Variants in ACIN1 observed in about 807,000 individuals in gnomAD.
ACIN1 encodes the protein apoptotic chromatin condensation inducer 1, also known as apoptotic chromatin condensation inducer in the nucleus.
Under a neutral mutation model 146.6 loss-of-function variants are expected in ACIN1, and 16 were observed. The ratio of observed to expected loss-of-function variants is 0.11; its 90% CI spans 0.07 to 0.17. ACIN1 has a LOEUF of 0.17. Among genes scored for constraint, ACIN1 ranks in the 10% least tolerant of loss-of-function variants. ACIN1 has a pLI of 1.00. For synonymous variants in ACIN1, 569 were observed against 582.7 expected (o/e 0.98, Z 0.34); for missense variants, 1,357 against 1,609.3 (o/e 0.84, Z 2.68).
intron 8 of ACIN1, among the ~76,000 whole-genome samples, chr14:23,074,581 T>G (rs2047751706): frequency 6.6e-6 from 1 of 151,972 alleles, no homozygotes; most frequent in Admixed American, 6.6e-5. Flanking sequence ...AGAAAAAAGA[T>G]AAAGAGGAAT....
In ACIN1 at chr14:23,078,829, C is replaced by A; in HGVS notation, c.1998G>T (p.Gln666His). 6.2e-7 allele frequency: 1 copy of A among 1,612,556 alleles called. No individual in the cohort carries two copies. The highest frequency in any genetic ancestry group is 1.1e-5 in the South Asian group (1 of 90,992). ...SAEKHVTQRLQPERGSPKKCE... is the reference protein window; with the variant it reads ...SAEKHVTQRLHPERGSPKKCE... ...GGTCACAATAGCCTACCCGCTCAGG[C>A]TGTAACCTCTGGGTCACATGCTTTT... Residue 666 changes from glutamine (Q) to histidine (H), a missense_variant, in exon 7 of 19, where the codon CAG (glutamine) becomes CAT (histidine). This residue lies in a region of ACIN1 where 771 missense variants were observed against 746.6 expected (regional missense o/e 1.03). Transcript: ENST00000605057.
chr14:23,071,901 T>G (rs1041439485), intron 8 of ACIN1, among the ~76,000 whole-genome samples: 1 of 151,978 alleles, frequency 6.6e-6, no homozygotes, highest in Non-Finnish European at 1.5e-5. Context: ...TGAAAAAGGA[T>G]TAAATAAGAA....
rs2047904373 is a variant in ACIN1, at chr14:23,080,130, T to C, written c.1205A>G (p.Asp402Gly). 4.3e-6 allele frequency: 7 copies of C among 1,614,134 alleles called. No homozygotes were observed. The highest frequency in any genetic ancestry group is 5.9e-6 in the Non-Finnish European group (7 of 1,180,010). ...CTGAGATACTAATAGCTCCCTGGTG[T>C]CAGCATCTGTATTAGGAGGAGATAA... is the stretch of plus-strand genomic sequence containing the variant. ...IQLSPPNTDA[D>G]TRELLVSQHT... Residue 402 changes from aspartate to glycine, a missense_variant, in exon 6 of 19, where the codon GAC becomes GGC. Transcript: ENST00000605057.
At position 23,067,833 on chromosome 14, in the gene ACIN1, G is replaced by A. The variant is rs183317561; in HGVS notation, c.2265+1643C>T. 4.1e-6 allele frequency: 4 copies of A among 985,932 alleles called. No individual in the cohort carries two copies. Among genetic ancestry groups the A allele is most frequent in the Non-Finnish European group, 4.8e-6 (4 of 830,006 alleles). The allele number at this position is 985,932 out of a possible 1,614,324, so 61.1% of individuals were successfully genotyped here. A position where few individuals can be genotyped will look rare whatever the true frequency, so the allele number is the denominator to read the frequency against. ...ACTGGGGAGGGGGTCCTCTCACCGA[G>A]TGGGATCATGGAGCCTCTGATGAAG... On this transcript the variant is annotated intron_variant, in intron 9 of 18. Transcript: ENST00000605057. This position sits in a 1 kb window ranked among gnomAD's most constrained non-coding sequence, Gnocchi z 4.6.
rs937509204 is a variant in ACIN1 at position 23,058,843 on chromosome 14, A to C, written c.*305T>G. Reference sequence around the variant, plus strand: ...GGAGGTGGTAAGCAGGATGGAGGAAAAATCAGAGGACTGGGGCACCTGGCT... The same window carrying C: ...GGAGGTGGTAAGCAGGATGGAGGAACAATCAGAGGACTGGGGCACCTGGCT... On this transcript the variant is annotated 3_prime_UTR_variant, in exon 19 of 19. Coordinates refer to ENST00000605057, the MANE Select transcript of ACIN1 (RefSeq NM_001386863.1). 1 of 428,402 alleles carries C rather than the reference A, an allele frequency of 2.3e-6. No individual in the cohort carries two copies. Among genetic ancestry groups the C allele is most frequent in the Non-Finnish European group, 4.2e-6 (1 of 236,444 alleles). The allele number at this position is 428,402 out of a possible 1,614,324, so 26.5% of individuals were successfully genotyped here.
At position 23,090,089 on chromosome 14, in the gene ACIN1, T is replaced by C. The variant is rs2048189796; in HGVS notation, c.329A>G (p.Glu110Gly). The change falls in exon 4 of 19, where the codon GAG becomes GGG. Residue 110 changes from glutamate to glycine, a missense_variant. This residue lies in a region of ACIN1 where 55 missense variants were observed against 123.9 expected (regional missense o/e 0.44). Coordinates refer to ENST00000605057, the MANE Select transcript of ACIN1 (RefSeq NM_001386863.1). Reference protein sequence around the residue: ...EAAELEEASAESEDEMIHPEG... With the variant: ...EAAELEEASAGSEDEMIHPEG... ...AGGATGGATCATCTCGTCCTCCGAC[T>C]CAGCTGAAGCTTCTGCAAAGTACAG... is the stretch of plus-strand genomic sequence containing the variant. The C allele has an allele frequency of 6.2e-7, 1 of 1,613,890 alleles. No individual in the cohort carries two copies. Among genetic ancestry groups the C allele is most frequent in the South Asian group, 1.1e-5 (1 of 91,056 alleles).
intron 8 of ACIN1, 21 bp from the exon 9 acceptor site, chr14:23,069,638 T>TGGGGG: frequency 9.2e-6 from 3 of 326,666 alleles, no homozygotes; most frequent in Non-Finnish European, 5.5e-6. Flanking sequence ...GGGGGAGTGG[T>TGGGGG]GGTGGGGGGG....
intron 8 of ACIN1, among the ~76,000 whole-genome samples, chr14:23,072,456 G>A (rs2140098515): frequency 6.6e-6 from 1 of 152,248 alleles, no homozygotes; most frequent in East Asian, 1.9e-4. Flanking sequence ...TATGGGGCGG[G>A]GAAGATCAGC....
chr14:23,060,947 C>G, intron 18 of ACIN1, 137 bp downstream of exon 18: 1 of 792,846 alleles, frequency 1.3e-6, no homozygotes, highest in South Asian at 1.6e-5. Flanking sequence ...TGAAAACTGC[C>G]TTTTTGTGAT....
In ACIN1 at chr14:23,062,943, G is replaced by A. The variant is rs1278173756; in HGVS notation, c.2869C>T (p.His957Tyr). 1.9e-6 allele frequency: 3 copies of A among 1,608,874 alleles called. No homozygotes were observed. The East Asian group carries it at 6.7e-5, about 36-fold the overall frequency. The change falls in exon 14 of 19, where the codon CAT becomes TAT. Residue 957 changes from histidine to tyrosine, a missense_variant. Physicochemically the swap from His to Tyr is moderately conservative, Grantham distance 83 (BLOSUM62 2). Coordinates refer to ENST00000605057, the MANE Select transcript of ACIN1 (RefSeq NM_001386863.1). ...CAATGACTTACCAAATTGGAGATATGGACAATGTTGCTAATCTTGCCCCGG... is the reference window on the plus strand; with the variant it reads ...CAATGACTTACCAAATTGGAGATATAGACAATGTTGCTAATCTTGCCCCGG... Reference protein sequence around the residue: ...PPRGKISNIVHISNLVRPFTL... With the variant: ...PPRGKISNIVYISNLVRPFTL...
At chr14:23,076,775 T>C (rs536433776) in intron 8 of ACIN1, among the ~76,000 whole-genome samples, 3 of 152,176 alleles carry the variant, frequency 2.0e-5, no homozygotes, top group African/African-American at 7.2e-5. Context: ...CTCCATGGAA[T>C]TGGGAGGAGG....
Position 23,079,705 on chromosome 14 carries a change from G to C in ACIN1, c.1630C>G (p.Arg544Gly). The C allele has an allele frequency of 6.2e-7, 1 of 1,614,166 alleles. No individual in the cohort carries two copies. Among genetic ancestry groups the C allele is most frequent in the Non-Finnish European group, 8.5e-7 (1 of 1,180,036 alleles). ...TTGGATCTGAGCGGTGAATGAGACC[G>C]AGAACCTGAACTGTCAGGAGAGCGA... ...RSRSPDSSGS[R>G]SHSPLRSKQR... The change falls in exon 6 of 19, where the codon CGG becomes GGG. Residue 544 changes from arginine to glycine, a missense_variant. Physicochemically the swap from Arg to Gly is moderately radical, Grantham distance 125. Coordinates refer to ENST00000605057, the MANE Select transcript of ACIN1 (RefSeq NM_001386863.1).
rs200247829 is a variant in ACIN1, at chr14:23,061,343, G to A, written c.3379C>T (p.Arg1127Cys). 7 of 1,613,962 alleles carry A rather than the reference G, an allele frequency of 4.3e-6. No homozygotes were observed. The highest frequency in any genetic ancestry group is 4.5e-5 in the East Asian group (2 of 44,892). ...TCTTTAGACTTCGCACGTTCCTTGC[G>A]GCGGCGGTCACGGGACCTTGATCGG... is the stretch of plus-strand genomic sequence containing the variant. ...RSRSRSRDRR[R>C]KERAKSKEKK... The change falls in exon 17 of 19, where the codon CGC becomes TGC. Residue 1127 changes from arginine to cysteine, a missense_variant. Around this residue, in one of 4 missense-constraint regions of ACIN1, gnomAD observed 509 missense variants for 719.6 expected, o/e 0.71. Transcript: ENST00000605057.
At chr14:23,075,906 G>A (rs549953205) in intron 8 of ACIN1, among the ~76,000 whole-genome samples, 1 of 152,210 alleles carries the variant, frequency 6.6e-6, no homozygotes, top group African/African-American at 2.4e-5. Flanking sequence ...TCACCATGTT[G>A]GTCAGGCTGG....
rs748469639 is a variant in ACIN1, at chr14:23,078,252, C to A, written c.2022G>T (p.Lys674Asn). 1.2e-6 allele frequency: 2 copies of A among 1,614,130 alleles called. No homozygotes were observed. The highest frequency in any genetic ancestry group is 2.2e-5 in the South Asian group (2 of 91,084). The change falls in exon 8 of 19, where the codon AAG (lysine) becomes AAT (asparagine). Residue 674 changes from lysine (K) to asparagine (N), a missense_variant. Lys to Asn is a moderately conservative substitution (Grantham distance 94, BLOSUM62 0). Around this residue, in one of 4 missense-constraint regions of ACIN1, gnomAD observed 771 missense variants for 746.6 expected, o/e 1.03. Transcript: ENST00000605057. ...RLQPERGSPK[K>N]CEAEEAEPPA... Reference sequence around the variant, plus strand: ...GTGGCTCTGCCTCTTCAGCTTCACACTTCTTTGGGCTCCCCTGTCAGGAGA... The same window carrying A: ...GTGGCTCTGCCTCTTCAGCTTCACAATTCTTTGGGCTCCCCTGTCAGGAGA...
At chr14:23,084,225 G>A (rs1367692726) in intron 4 of ACIN1, among the ~76,000 whole-genome samples, 2 of 152,174 alleles carry the variant, frequency 1.3e-5, no homozygotes, top group African/African-American at 4.8e-5. Context: ...GGGATTACAG[G>A]TGTAAGCCAC....
In ACIN1 at chr14:23,080,465, T is replaced by C. The variant is rs2047915110; in HGVS notation, c.870A>G (p.Arg290=). The change falls in exon 6 of 19, where the codon AGA becomes AGG. Residue 290 remains arginine, a synonymous_variant. Coordinates refer to ENST00000605057, the MANE Select transcript of ACIN1 (RefSeq NM_001386863.1). ...GRFTRSQEEA[R]KSHLARQQQE... ...GCTGCTGTCTGGCCAGATGACTTTT[T>C]CTAGCCTCTTCCTGGGATCTTGTAA... 3 of 1,614,080 alleles carry C rather than the reference T, an allele frequency of 1.9e-6. No individual in the cohort carries two copies. The Admixed American group carries it at 5.0e-5, about 27-fold the overall frequency.
chr14:23,072,795 T>G (rs920343209), intron 8 of ACIN1, among the ~76,000 whole-genome samples: 1 of 152,274 alleles, frequency 6.6e-6, no homozygotes, highest in Non-Finnish European at 1.5e-5. Flanking sequence ...CTTTAAATGT[T>G]TCCTTTCACA....
Position 23,067,198 on chromosome 14 carries a change from A to T in ACIN1, c.2266-1190T>A. On this transcript the variant is annotated intron_variant, in intron 9 of 18. Transcript: ENST00000605057. The surrounding 1 kb of genome is among the most constrained non-coding windows in gnomAD (Gnocchi z 4.6). ...ATGAACCAAATAAATAAATAAAAGA[A>T]ATCAGAAAAAATAAAGATATAGAAA... 1 of 701,532 alleles carries T rather than the reference A, an allele frequency of 1.4e-6. No homozygotes were observed. Among genetic ancestry groups the T allele is most frequent in the Non-Finnish European group, 1.8e-6 (1 of 571,012 alleles). The allele number at this position is 701,532 out of a possible 1,614,324, so 43.5% of individuals were successfully genotyped here.
Sources: allele counts gnomAD v4.1 joint callset (sites outside exome capture counted in the v4.1 genomes callset), GRCh38; gene constraint gnomAD v4.1.1; regional missense constraint gnomAD v4.1.1; non-coding constraint Gnocchi (gnomAD v3.1); transcripts MANE v1.5; gene names NCBI Gene and HGNC (gene_info 2026-07-23, HGNC 2026-07-21).